ITGAL: variants seen among roughly 807,000 people sequenced by gnomAD.
ITGAL encodes the protein integrin alpha-L.
In ITGAL, 68 loss-of-function variants were observed where a neutral mutation model predicts 138.4. The observed-to-expected ratio is 0.49, with a 90% confidence interval of 0.40 to 0.60. ITGAL has a LOEUF of 0.60. ITGAL is among the 20% of genes least tolerant of loss of function. The pLI, the probability that ITGAL is intolerant of heterozygous loss-of-function variation, is 0.00. For missense variants in ITGAL, 1,256 were observed against 1,478.6 expected (o/e 0.85, Z 2.47); for synonymous variants, 561 against 584.3 (o/e 0.96, Z 0.57).
chr16:30,496,731 T>C (rs2050806269), intron 15 of ITGAL, among the ~76,000 whole-genome samples, 165 bp downstream of exon 15: 2 of 151,986 alleles, frequency 1.3e-5, no homozygotes, highest in South Asian at 4.2e-4. Context: ...AGCCTCGAAC[T>C]GCTGGGCTTA....
rs780488665 is a variant in ITGAL at position 30,513,805 on chromosome 16, C to G, written c.2821C>G (p.Pro941Ala). The G allele has an allele frequency of 1.2e-6, 2 of 1,613,664 alleles. No homozygotes were observed. The highest frequency in any genetic ancestry group is 1.7e-6 in the Non-Finnish European group (2 of 1,179,738). ...EDSTLYVSFT[P>A]KGPKIHQVKH... ...CTCCACACTCTATGTCAGTTTCACC[C>G]CCAAAGGCCCCAAGATCCACCAAGT... is the stretch of plus-strand genomic sequence containing the variant. Residue 941 changes from proline (P) to alanine (A), a missense_variant, in exon 25 of 31, where the codon CCC becomes GCC. Transcript: ENST00000356798.
chr16:30,504,026 G>A (rs985259890), intron 17 of ITGAL, 149 bp from the exon 18 acceptor site: 10 of 640,870 alleles, frequency 1.6e-5, no homozygotes, highest in Non-Finnish European at 2.5e-5. Flanking sequence ...CACCTGCTAT[G>A]TAGTCAATGG....
chr16:30,488,956 C>A, intron 9 of ITGAL, 126 bp from the exon 10 acceptor site: 1 of 773,956 alleles, frequency 1.3e-6, no homozygotes, highest in South Asian at 1.5e-5. Context: ...GTCTGCCTGA[C>A]CCTCACATGC....
intron 24 of ITGAL, among the ~76,000 whole-genome samples, chr16:30,511,456 GC>G (rs1304943093): frequency 6.6e-6 from 1 of 152,204 alleles, no homozygotes; most frequent in Non-Finnish European, 1.5e-5. Context: ...CCTCTGTGAG[GC>G]AGCTGTGCCG....
At position 30,497,730 on chromosome 16, in the gene ITGAL, C is replaced by T. The variant is rs535861712; in HGVS notation, c.1832+1164C>T. 7.9e-5 allele frequency among the ~76,000 whole-genome samples: 12 copies of T among 151,742 alleles called. No individual in the cohort carries two copies. The East Asian group carries it at 1.6e-3, about 20-fold the overall frequency. The stretch of plus-strand genomic sequence containing the variant: ...CTGACCTCAAGGGATCCGCCCGTCT[C>T]GGCCTCCCAAAGTGCTAGGATTACA... On this transcript the variant is annotated intron_variant, in intron 15 of 30. Coordinates refer to ENST00000356798, the MANE Select transcript of ITGAL (RefSeq NM_002209.3).
chr16:30,517,816 T>C lies in ITGAL; in HGVS notation c.3053T>C (p.Leu1018Pro), dbSNP rs1597110070. Reference protein sequence around the residue: ...DAAEPCLPGALFRCPVVFRQE... With the variant: ...DAAEPCLPGAPFRCPVVFRQE... Reference sequence around the variant, plus strand: ...TGTCAGCCTTGTCTCCCCGGAGCCCTGTTCCGCTGCCCTGTTGTCTTCAGG... The same window carrying C: ...TGTCAGCCTTGTCTCCCCGGAGCCCCGTTCCGCTGCCCTGTTGTCTTCAGG... The change falls in exon 28 of 31, where the codon CTG becomes CCG. Residue 1018 changes from leucine (L) to proline (P), a missense_variant. Physicochemically the swap from Leu to Pro is moderately conservative, Grantham distance 98 (BLOSUM62 -3). Coordinates refer to ENST00000356798, the MANE Select transcript of ITGAL (RefSeq NM_002209.3). 1 of 1,614,132 alleles carries C rather than the reference T, an allele frequency of 6.2e-7. No homozygotes were observed. Among genetic ancestry groups the C allele is most frequent in the Non-Finnish European group, 8.5e-7 (1 of 1,179,998 alleles).
chr16:30,503,486 TGAAAGA>T (rs1428279641), intron 17 of ITGAL, among the ~76,000 whole-genome samples: 3 of 119,718 alleles, frequency 2.5e-5, no homozygotes, highest in African/African-American at 6.7e-5. Flanking sequence ...GGAGGGAGGA[TGAAAGA>T]GAAAGAGAAA....
rs755160381 is a variant in ITGAL, at chr16:30,484,238, G to T, written c.981G>T (p.Leu327=). Residue 327 remains leucine (L), a synonymous_variant, in exon 9 of 31, where the codon CTG becomes CTT. Transcript: ENST00000356798. The part of the protein sequence containing the change: ...FEKLKDLFTE[L]QKKIYVIEGT... Reference sequence around the variant, plus strand: ...AGCTGAAAGATCTATTCACTGAGCTGCAGAAGAAGATCTATGTCATTGAGG... The same window carrying T: ...AGCTGAAAGATCTATTCACTGAGCTTCAGAAGAAGATCTATGTCATTGAGG... 13 of 1,613,966 alleles carry T rather than the reference G, an allele frequency of 8.1e-6. No homozygotes were observed. The highest frequency in any genetic ancestry group is 3.3e-5 in the South Asian group (3 of 91,080).
At position 30,474,183 on chromosome 16, in the gene ITGAL, T is replaced by A. The variant is rs751214423; in HGVS notation, c.62-13T>A. ...GTCCCTCGGTCGCAGCTGACGACCC[T>A]TGCCTTCCTCAGCGCCGGCCTCGAG... On this transcript the variant is annotated splice_polypyrimidine_tract_variant and intron_variant, in intron 1 of 30. Transcript: ENST00000356798. The A allele has an allele frequency of 6.3e-7, 1 of 1,583,058 alleles. No individual in the cohort carries two copies. The highest frequency in any genetic ancestry group is 8.6e-7 in the Non-Finnish European group (1 of 1,163,572).
At chr16:30,484,925 A>G (rs1384945631) in intron 9 of ITGAL, among the ~76,000 whole-genome samples, 1 of 151,852 alleles carries the variant, frequency 6.6e-6, no homozygotes, top group Non-Finnish European at 1.5e-5. Flanking sequence ...CTCAAACAAA[A>G]CAAAACAAAA....
intron 17 of ITGAL, among the ~76,000 whole-genome samples, chr16:30,500,503 A>G (rs762725881): frequency 2.0e-5 from 3 of 151,964 alleles, no homozygotes; most frequent in Non-Finnish European, 4.4e-5. Flanking sequence ...ACAAGTGCAC[A>G]CCACTGTGCC....
chr16:30,493,944 G>T (rs1270047961), intron 11 of ITGAL, among the ~76,000 whole-genome samples: 1 of 152,132 alleles, frequency 6.6e-6, no homozygotes, highest in Admixed American at 6.6e-5. Context: ...GTAAACTGAG[G>T]CTCAGAAGAG....
At chr16:30,474,860 C>CT (rs58194640) in intron 2 of ITGAL, among the ~76,000 whole-genome samples, 41,081 of 114,358 alleles carry the variant, frequency 0.36, 8,102 homozygotes, top group East Asian at 0.88. Flanking sequence ...TTTTTTTTTT[C>CT]TTTTTTTTTT....
chr16:30,521,494 TGGTTTCTTCA>T lies in ITGAL; in HGVS notation c.3343_3352del (p.Gly1115AsnfsTer4). ...GTTCAAATTTTGTCTTTGTACAGGT[TGGTTTCTTCA>T]AACGGAACCTGAAGGAGAAGATGGA... On this transcript the variant is annotated frameshift_variant, in exon 31 of 31. Transcript: ENST00000356798. LOFTEE classifies it low-confidence loss of function (END_TRUNC). 6.2e-7 allele frequency: 1 copy of T among 1,613,960 alleles called. No individual in the cohort carries two copies. The highest frequency in any genetic ancestry group is 1.1e-5 in the South Asian group (1 of 91,064).
chr16:30,510,277 G>T, intron 21 of ITGAL, 84 bp from the exon 22 acceptor site: 1 of 779,602 alleles, frequency 1.3e-6, no homozygotes. Context: ...AGCCCCTGGG[G>T]GAGGTAGGCC....
chr16:30,479,685 A>T (rs1383054518), intron 6 of ITGAL, among the ~76,000 whole-genome samples: 17 of 72,588 alleles, frequency 2.3e-4, no homozygotes, highest in Admixed American at 2.0e-3. Context: ...TTTGAGATGG[A>T]GTTTTGCTCT....
intron 24 of ITGAL, among the ~76,000 whole-genome samples, chr16:30,511,523 A>G (rs1450712814): frequency 6.6e-6 from 1 of 152,158 alleles, no homozygotes; most frequent in Non-Finnish European, 1.5e-5. Flanking sequence ...CACTTACCCA[A>G]GGTCCAATAG....
In ITGAL at chr16:30,506,731, C is replaced by G. The variant is rs758094850; in HGVS notation, c.2383C>G (p.Leu795Val). ...CCCCCACAGATCCAGAGCCCTGCGTCTAACTGCTTTTGCCAGCCTCTCTGT... is the reference window on the plus strand; with the variant it reads ...CCCCCACAGATCCAGAGCCCTGCGTGTAACTGCTTTTGCCAGCCTCTCTGT... The part of the protein sequence containing the change: ...FSPARSRALR[L>V]TAFASLSVEL... Residue 795 changes from leucine (L) to valine (V), a missense_variant, in exon 21 of 31, where the codon CTA becomes GTA. Physicochemically the swap from Leu to Val is conservative, Grantham distance 32 (BLOSUM62 1). Around this residue, in one of 3 missense-constraint regions of ITGAL, gnomAD observed 867 missense variants for 972.5 expected, o/e 0.89. Coordinates refer to ENST00000356798, the MANE Select transcript of ITGAL (RefSeq NM_002209.3). 3.7e-6 allele frequency: 6 copies of G among 1,613,992 alleles called. No individual in the cohort carries two copies. Among genetic ancestry groups the G allele is most frequent in the Non-Finnish European group, 5.1e-6 (6 of 1,179,930 alleles).
intron 29 of ITGAL, among the ~76,000 whole-genome samples, chr16:30,519,521 G>A (rs1315464393): frequency 1.3e-5 from 2 of 152,214 alleles, no homozygotes; most frequent in Non-Finnish European, 1.5e-5. Context: ...GGGCAGGTTT[G>A]AAGAGCAGGA....
Sources: gnomAD v4.1 joint callset for allele counts (sites outside exome capture counted in the v4.1 genomes callset) on GRCh38, gnomAD v4.1.1 for gene constraint, gnomAD v4.1.1 regional missense constraint, MANE v1.5 for transcripts, NCBI Gene and HGNC (gene_info 2026-07-23, HGNC 2026-07-21) for gene names.